Variants in DDX60 observed in about 807,000 individuals in gnomAD.
DDX60 encodes the protein probable ATP-dependent RNA helicase DDX60.
In DDX60, 165 loss-of-function variants were observed where a neutral mutation model predicts 212.8. That is an observed-to-expected ratio of 0.78 (90% confidence interval 0.68 to 0.88). The LOEUF is 0.88. DDX60 is among the 40% of genes least tolerant of loss of function. The pLI is 0.00. For synonymous variants in DDX60, 703 were observed against 685.3 expected (o/e 1.03, Z -0.40); for missense variants, 1,905 against 2,003.9 (o/e 0.95, Z 0.94).
At chr4:168,266,963 A>T (rs1263209592) in intron 22 of DDX60, among the ~76,000 whole-genome samples, 1 of 152,222 alleles carries the variant, frequency 6.6e-6, no homozygotes, top group East Asian at 1.9e-4. Context: ...TTTAGAAGGA[A>T]GACAAAACTA....
At chr4:168,281,348 T>A (rs1205092815) in intron 13 of DDX60, among the ~76,000 whole-genome samples, 1 of 152,210 alleles carries the variant, frequency 6.6e-6, no homozygotes, top group East Asian at 1.9e-4. Context: ...GTCGAAGTCA[T>A]GTATTCTTCC....
At chr4:168,293,737 T>C (rs779530491) in intron 7 of DDX60, 50 bp downstream of exon 7, 3 of 1,448,132 alleles carry the variant, frequency 2.1e-6, no homozygotes, top group Non-Finnish European at 2.8e-6. Context: ...CAACAAAATT[T>C]CAAATGTGGA....
intron 22 of DDX60, among the ~76,000 whole-genome samples, chr4:168,265,007 G>A (rs1251314977): frequency 1.3e-5 from 2 of 152,184 alleles, no homozygotes; most frequent in Non-Finnish European, 2.9e-5. Flanking sequence ...GATCTATGCT[G>A]AGCAGAAACA....
chr4:168,236,317 G>A lies in DDX60; in HGVS notation c.4468C>T (p.Leu1490Phe), dbSNP rs1379577941. 3.7e-6 allele frequency: 6 copies of A among 1,610,840 alleles called. No homozygotes were observed. Among genetic ancestry groups the A allele is most frequent in the Non-Finnish European group, 5.1e-6 (6 of 1,178,148 alleles). ...GGTGGAAAATATCTTCTTCCAAAGA[G>A]ATGTGCCAATACTAATACTAGCTTT... ...MEKLVLVLAH[L>F]FGRRYFPPKF... The change falls in exon 33 of 38, where the codon CTC (leucine) becomes TTC (phenylalanine). Residue 1490 changes from leucine to phenylalanine, a missense_variant. Transcript: ENST00000393743.
chr4:168,261,358 G>T (rs1005848951), intron 24 of DDX60, among the ~76,000 whole-genome samples: 10 of 151,968 alleles, frequency 6.6e-5, no homozygotes, highest in Non-Finnish European at 1.5e-4. Context: ...TATTTTCAAG[G>T]TCTGTAAATG....
rs748257863 is a variant in DDX60 at position 168,306,474 on chromosome 4, T to G, written c.511A>C (p.Asn171His). 1 of 1,614,192 alleles carries G rather than the reference T, an allele frequency of 6.2e-7. No homozygotes were observed. Among genetic ancestry groups the G allele is most frequent in the East Asian group, 2.2e-5 (1 of 44,874 alleles). The change falls in exon 5 of 38, where the codon AAC becomes CAC. Residue 171 changes from asparagine to histidine, a missense_variant. Physicochemically the swap from Asn to His is moderately conservative, Grantham distance 68. Coordinates refer to ENST00000393743, the MANE Select transcript of DDX60 (RefSeq NM_017631.6). ...LIIHSWARKV[N>H]VVLSSGQESD... The stretch of plus-strand genomic sequence containing the variant: ...TCTTGCCCTGAGGAAAGTACAACGT[T>G]GACCTTCCTTGCCCAAGAATGAATG...
At chr4:168,255,641 T>C in intron 26 of DDX60, 70 bp downstream of exon 26, 3 of 1,314,386 alleles carry the variant, frequency 2.3e-6, no homozygotes, top group African/African-American at 1.5e-5. Context: ...ATATTCAATT[T>C]ACGTTTCCTA....
chr4:168,282,577 C>T (rs533859411), intron 13 of DDX60, among the ~76,000 whole-genome samples: 3 of 152,118 alleles, frequency 2.0e-5, no homozygotes, highest in African/African-American at 7.2e-5. Flanking sequence ...TAAGTTGGTA[C>T]TTTCTCTAAT....
At chr4:168,269,008 G>T in intron 19 of DDX60, 39 bp from the exon 20 acceptor site, 1 of 1,216,570 alleles carries the variant, frequency 8.2e-7, no homozygotes, top group Non-Finnish European at 1.2e-6. Context: ...CTGAAAAGTT[G>T]ATTTAAAAAT....
chr4:168,297,219 C>G (rs1019166352), intron 6 of DDX60, among the ~76,000 whole-genome samples: 2 of 149,660 alleles, frequency 1.3e-5, no homozygotes, highest in African/African-American at 4.9e-5. Context: ...AAAAAATGAT[C>G]TTTATTCAGC....
chr4:168,290,491 G>A lies in DDX60; in HGVS notation c.1041+1257C>T, dbSNP rs552266770. 2.6e-5 allele frequency among the ~76,000 whole-genome samples: 4 copies of A among 151,784 alleles called. No individual in the cohort carries two copies. The South Asian group carries it at 8.3e-4, about 32-fold the overall frequency. ...CTACAGGTGCCTACCACCATGCCTG[G>A]CTACTTTTTATTTTTTTTGGTATAT... On this transcript the variant is annotated intron_variant, in intron 8 of 37. Transcript: ENST00000393743.
At chr4:168,235,914 C>G in intron 33 of DDX60, 1 of 207,868 alleles carries the variant, frequency 4.8e-6, no homozygotes, top group Non-Finnish European at 9.5e-6. Context: ...CCTAAAAGAA[C>G]AGTATATTCG....
intron 1 of DDX60, among the ~76,000 whole-genome samples, chr4:168,311,960 G>A (rs748694456): frequency 7.9e-5 from 12 of 152,212 alleles, no homozygotes; most frequent in African/African-American, 2.9e-4. Context: ...CAGGATGGGA[G>A]TAAGCTTCTT....
chr4:168,261,940 A>G (rs1188583678), intron 24 of DDX60, 60 bp downstream of exon 24: 6 of 1,540,974 alleles, frequency 3.9e-6, no homozygotes, highest in South Asian at 2.5e-5. Context: ...TATTAACTGA[A>G]TGATATAACT....
At position 168,311,371 on chromosome 4, in the gene DDX60, A is replaced by G; in HGVS notation, c.-106-6T>C. On this transcript the variant is annotated splice_polypyrimidine_tract_variant and splice_region_variant and intron_variant, in intron 1 of 37. Coordinates refer to ENST00000393743, the MANE Select transcript of DDX60 (RefSeq NM_017631.6). Reference sequence around the variant, plus strand: ...TCTTAATGAAAATGGCAGTCCTGCAAAAAAAGAAAAGAAAATGAGTCTTTA... The same window carrying G: ...TCTTAATGAAAATGGCAGTCCTGCAGAAAAAGAAAAGAAAATGAGTCTTTA... The G allele has an allele frequency of 8.9e-7, 1 of 1,123,854 alleles. No homozygotes were observed. The highest frequency in any genetic ancestry group is 1.3e-6 in the Non-Finnish European group (1 of 768,570). The allele number at this position is 1,123,854 out of a possible 1,614,324, so 69.6% of individuals were successfully genotyped here.
Position 168,220,730 on chromosome 4 carries a change from A to T in DDX60, c.4977-13T>A. 7.4e-7 allele frequency: 1 copy of T among 1,346,328 alleles called. No individual in the cohort carries two copies. Among genetic ancestry groups the T allele is most frequent in the East Asian group, 2.7e-5 (1 of 36,776 alleles). 83.4% of individuals were successfully genotyped at this position (1,346,328 alleles called of 1,614,324 possible). A position where few individuals can be genotyped will look rare whatever the true frequency, so the allele number is the denominator to read the frequency against. On this transcript the variant is annotated splice_polypyrimidine_tract_variant and intron_variant, in intron 36 of 37. Transcript: ENST00000393743. ...TCCTTCATTCATCCTAAAGAAAACA[A>T]CATTTTGAAAATTAATAATACAAAA...
intron 33 of DDX60, among the ~76,000 whole-genome samples, chr4:168,234,312 AT>A (rs936019135): frequency 4.1e-5 from 6 of 147,602 alleles, no homozygotes; most frequent in African/African-American, 1.2e-4. Flanking sequence ...TTTCTCCACC[AT>A]TTTTTTTTCT....
At chr4:168,223,175 GGGA>G (rs1733123993) in intron 35 of DDX60, among the ~76,000 whole-genome samples, 1 of 151,988 alleles carries the variant, frequency 6.6e-6, no homozygotes, top group Admixed American at 6.6e-5. Context: ...AATGAAACGT[GGGA>G]GGAGTACACA....
chr4:168,259,563 A>G (rs1046320248), intron 25 of DDX60, among the ~76,000 whole-genome samples: 1 of 151,818 alleles, frequency 6.6e-6, no homozygotes. Flanking sequence ...GTTTCATTAA[A>G]CTTTTCCACC....
Sources: gnomAD v4.1 joint callset for allele counts (sites outside exome capture counted in the v4.1 genomes callset) on GRCh38, gnomAD v4.1.1 for gene constraint, MANE v1.5 for transcripts, NCBI Gene and HGNC (gene_info 2026-07-23, HGNC 2026-07-21) for gene names.